Variants in MYH10 observed in about 807,000 individuals in gnomAD.
The protein encoded by MYH10 is myosin-10.
MYH10 carries 55 observed loss-of-function variants against 257.8 expected under a neutral mutation model. The observed-to-expected ratio is 0.21, with a 90% CI of 0.17 to 0.27. The LOEUF (loss-of-function observed/expected upper bound fraction) is 0.27, where lower values mean the gene tolerates loss of function less well. Ranked by LOEUF, MYH10 falls within the 10% of genes least tolerant of loss-of-function variation. The pLI is 1.00. For missense variants in MYH10, 1,631 were observed against 2,500.6 expected (o/e 0.65, Z 7.42); for synonymous variants, 854 against 921.7 (o/e 0.93, Z 1.33).
chr17:8,478,978 C>T lies in MYH10; in HGVS notation c.5598-532G>A, dbSNP rs377572045. Among the ~76,000 whole-genome samples the T allele has an allele frequency of 2.2e-4, 34 of 152,314 alleles. No homozygotes were observed. In the East Asian group the frequency reaches 3.9e-3, roughly 17 times the overall value. ...AACTCCTCACCTCAGGTGATCTGCC[C>T]GCCCTGGCCTCCCAAAGTGCTGGGA... On this transcript the variant is annotated intron_variant, in intron 40 of 42. Coordinates refer to ENST00000360416, the MANE Select transcript of MYH10 (RefSeq NM_001256012.3).
At chr17:8,594,052 CAATG>C (rs1452934328) in intron 3 of MYH10, among the ~76,000 whole-genome samples, 2 of 152,036 alleles carry the variant, frequency 1.3e-5, no homozygotes, top group African/African-American at 4.8e-5. Flanking sequence ...AAAGGCAATT[CAATG>C]GAGAAATAGT....
intron 3 of MYH10, among the ~76,000 whole-genome samples, chr17:8,598,016 T>C (rs771495057): frequency 6.6e-6 from 1 of 152,110 alleles, no homozygotes; most frequent in Non-Finnish European, 1.5e-5. Flanking sequence ...AGTCTCCCTC[T>C]GTCACCCAGG....
chr17:8,569,480 A>G lies in MYH10; in HGVS notation c.756+240T>C, dbSNP rs2083269875. On this transcript the variant is annotated intron_variant, in intron 7 of 42. Transcript: ENST00000360416. This position sits in a 1 kb window ranked among gnomAD's most constrained non-coding sequence, Gnocchi z 4.1. ...GGTTAAATTACATATCCATAAAATA[A>G]GACAGAGTTATACATTTCTGTATGA... is the stretch of plus-strand genomic sequence containing the variant. Among the ~76,000 whole-genome samples the G allele has an allele frequency of 6.6e-6, 1 of 152,218 alleles. No homozygotes were observed.
Position 8,480,847 on chromosome 17 carries a change from C to G in MYH10, c.5265-322G>C, listed in dbSNP as rs1015177954. ...GTCGCTTTCAAAACGCAAGCACGAC[C>G]CCAGCCTCCCCACCGCTGAAACTCT... On this transcript the variant is annotated intron_variant, in intron 38 of 42. Transcript: ENST00000360416. Among the ~76,000 whole-genome samples, 6 of 112,722 alleles carry G rather than the reference C, an allele frequency of 5.3e-5. No homozygotes were observed. The East Asian group carries it at 1.6e-3, about 31-fold the overall frequency. 74.0% of individuals were successfully genotyped at this position (112,722 alleles called of 152,430 possible). A position where few individuals can be genotyped will look rare whatever the true frequency, so the allele number is the denominator to read the frequency against.
chr17:8,629,504 T>C (rs1173133485), intron 1 of MYH10, among the ~76,000 whole-genome samples: 1 of 152,066 alleles, frequency 6.6e-6, no homozygotes, highest in Non-Finnish European at 1.5e-5. Flanking sequence ...CCTAAGGCCC[T>C]AGTTCCAAAC....
rs1234344611 is a variant in MYH10, at chr17:8,546,667, A to C, written c.1160-5T>G. 6.2e-7 allele frequency: 1 copy of C among 1,608,642 alleles called. No homozygotes were observed. Among genetic ancestry groups the C allele is most frequent in the South Asian group, 1.1e-5 (1 of 90,682 alleles). On this transcript the variant is annotated splice_region_variant and splice_polypyrimidine_tract_variant and intron_variant, in intron 11 of 42. Coordinates refer to ENST00000360416, the MANE Select transcript of MYH10 (RefSeq NM_001256012.3). ...GATGGCAGAGCTTCTGCGCAACTGA[A>C]GTGTAAAAAGTCTCCTAAATCCTAC...
intron 9 of MYH10, 94 bp downstream of exon 9, chr17:8,551,952 G>A (rs184878231): frequency 3.6e-4 from 213 of 599,174 alleles, no homozygotes; most frequent in African/African-American, 3.5e-3. Context: ...TGTTTTGTGT[G>A]TAAAAAACTG....
chr17:8,551,900 A>C (rs2082655013), intron 9 of MYH10, 146 bp downstream of exon 9: 3 of 436,734 alleles, frequency 6.9e-6, no homozygotes, highest in Non-Finnish European at 1.2e-5. Context: ...TGGAAGTTCA[A>C]TTTCATTTTG....
Position 8,614,037 on chromosome 17 carries a change from G to C in MYH10, c.345+8865C>G, listed in dbSNP as rs532055660. Among the ~76,000 whole-genome samples, 407 of 152,244 alleles carry C rather than the reference G, an allele frequency of 2.7e-3. 3 individuals carry two copies. The highest frequency in any genetic ancestry group is 3.1e-3 in the Non-Finnish European group (211 of 68,014). On this transcript the variant is annotated intron_variant, in intron 2 of 42. Coordinates refer to ENST00000360416, the MANE Select transcript of MYH10 (RefSeq NM_001256012.3). ...CTACATCTGTATATACGTGATAATA[G>C]CTTCAGCATGTACACAGCAAAAATG...
intron 6 of MYH10, among the ~76,000 whole-genome samples, chr17:8,572,029 C>A (rs1354734351): frequency 6.6e-6 from 1 of 151,864 alleles, no homozygotes; most frequent in Non-Finnish European, 1.5e-5. Flanking sequence ...TACTAAATAT[C>A]TACTGCTAGA....
Position 8,589,123 on chromosome 17 carries a change from A to C in MYH10, c.503-15T>G. Reference sequence around the variant, plus strand: ...GTCCTCACGATCTATAAAACAGAACAAAACAAACAAAAAAAAGAAAGTGAC... The same window carrying C: ...GTCCTCACGATCTATAAAACAGAACCAAACAAACAAAAAAAAGAAAGTGAC... On this transcript the variant is annotated splice_polypyrimidine_tract_variant and intron_variant, in intron 3 of 42. Transcript: ENST00000360416. The C allele has an allele frequency of 6.2e-7, 1 of 1,610,948 alleles. No homozygotes were observed. The highest frequency in any genetic ancestry group is 8.5e-7 in the Non-Finnish European group (1 of 1,178,738).
chr17:8,480,804 CCACAGACAA>C (rs1913616352), intron 38 of MYH10, among the ~76,000 whole-genome samples: 3 of 152,226 alleles, frequency 2.0e-5, no homozygotes, highest in Admixed American at 6.5e-5. Context: ...CAGCTGTTCT[CCACAGACAA>C]CAGCCAGAGT....
chr17:8,516,674 T>C (rs567493481), intron 21 of MYH10, among the ~76,000 whole-genome samples: 40 of 152,370 alleles, frequency 2.6e-4, no homozygotes, highest in Admixed American at 9.1e-4. Flanking sequence ...AGTTGTAGCA[T>C]GTTTCTGGCA....
intron 3 of MYH10, among the ~76,000 whole-genome samples, chr17:8,601,109 T>G (rs920538899): frequency 1.3e-5 from 2 of 152,128 alleles, no homozygotes; most frequent in African/African-American, 4.8e-5. Flanking sequence ...CCCCTGCAGG[T>G]ATTGTTACAG....
Position 8,569,213 on chromosome 17 carries a change from C to T in MYH10, c.756+507G>A, listed in dbSNP as rs989143365. Among the ~76,000 whole-genome samples the T allele has an allele frequency of 1.4e-5, 1 of 71,610 alleles. No homozygotes were observed. Among genetic ancestry groups the T allele is most frequent in the East Asian group, 3.6e-4 (1 of 2,788 alleles). 47.0% of individuals were successfully genotyped at this position (71,610 alleles called of 152,430 possible). A position where few individuals can be genotyped will look rare whatever the true frequency, so the allele number is the denominator to read the frequency against. On this transcript the variant is annotated intron_variant, in intron 7 of 42. Coordinates refer to ENST00000360416, the MANE Select transcript of MYH10 (RefSeq NM_001256012.3). This position sits in a 1 kb window ranked among gnomAD's most constrained non-coding sequence, Gnocchi z 4.1. The stretch of plus-strand genomic sequence containing the variant: ...CTCCAGGCTGGGTGACAGAGCAAGA[C>T]CCTGTCTCAAAAAAAAAAAAAAATT...
rs576360951 is a variant in MYH10 at position 8,591,331 on chromosome 17, G to A, written c.503-2223C>T. Among the ~76,000 whole-genome samples, 5 of 152,308 alleles carry A rather than the reference G, an allele frequency of 3.3e-5. No individual in the cohort carries two copies. The South Asian group carries it at 1.0e-3, about 32-fold the overall frequency. On this transcript the variant is annotated intron_variant, in intron 3 of 42. Transcript: ENST00000360416. ...CAGCTAGCTTTAATAGAGGTCTGCT[G>A]AGAGAAACCCAGTGCTAGGTGCCAT...
intron 19 of MYH10, among the ~76,000 whole-genome samples, chr17:8,520,216 A>G (rs1323832425): frequency 1.3e-5 from 2 of 152,196 alleles, no homozygotes; most frequent in Non-Finnish European, 2.9e-5. Context: ...TAAAAAATCA[A>G]TTTTAAAAAT....
At chr17:8,590,317 C>G (rs1844593934) in intron 3 of MYH10, among the ~76,000 whole-genome samples, 1 of 151,904 alleles carries the variant, frequency 6.6e-6, no homozygotes, top group African/African-American at 2.4e-5. Context: ...TTTCTTTTTT[C>G]TTTTTCTTTT....
At chr17:8,495,834 C>T (rs142579389) in intron 30 of MYH10, among the ~76,000 whole-genome samples, 13 of 152,108 alleles carry the variant, frequency 8.5e-5, no homozygotes, top group Non-Finnish European at 1.5e-4. Context: ...CTCAGCCTCC[C>T]GAGTGGCTGG....
Sources: allele counts gnomAD v4.1 joint callset (sites outside exome capture counted in the v4.1 genomes callset), GRCh38; gene constraint gnomAD v4.1.1; non-coding constraint Gnocchi (gnomAD v3.1); transcripts MANE v1.5; gene names NCBI Gene and HGNC (gene_info 2026-07-23, HGNC 2026-07-21).